The following TDRD9 variants were observed in gnomAD, a reference collection of about 807,000 sequenced individuals.
TDRD9 encodes the protein tudor domain containing 9.
A neutral mutation model predicts 172.6 loss-of-function variants in TDRD9; 124 were observed. The ratio of observed to expected loss-of-function variants is 0.72; its 90% confidence interval spans 0.62 to 0.83. The LOEUF (loss-of-function observed/expected upper bound fraction) is 0.83, where lower values mean the gene tolerates loss of function less well. Among genes scored for constraint, TDRD9 ranks in the 40% least tolerant of loss-of-function variants. The probability of loss-of-function intolerance (pLI) is 0.00; values close to 1 mark genes in which losing one functional copy is unlikely to be tolerated. For missense variants in TDRD9, 1,479 were observed against 1,714.1 expected (o/e 0.86, Z 2.42); for synonymous variants, 619 against 617.1 (o/e 1.00, Z -0.05).
At chr14:104,026,552 GT>G (rs1647110475) in intron 27 of TDRD9, 126 bp from the exon 28 acceptor site, 2 of 1,149,336 alleles carry the variant, frequency 1.7e-6, no homozygotes, top group Non-Finnish European at 2.5e-6. Context: ...CCCAACATTA[GT>G]TTTATTGGGA....
At chr14:103,935,573 A>G (rs1441736712) in intron 1 of TDRD9, among the ~76,000 whole-genome samples, 1 of 152,190 alleles carries the variant, frequency 6.6e-6, no homozygotes, top group Non-Finnish European at 1.5e-5. Flanking sequence ...GGAGTTGAGG[A>G]AGGAAGTCTG....
intron 6 of TDRD9, among the ~76,000 whole-genome samples, chr14:103,974,799 C>T (rs2033168994): frequency 6.6e-6 from 1 of 152,060 alleles, no homozygotes; most frequent in South Asian, 2.1e-4. Context: ...CACCATCATG[C>T]CCAGCTATTT....
rs2034141459 is a variant in TDRD9, at chr14:103,998,607, T to G, written c.1379-17T>G. On this transcript the variant is annotated splice_polypyrimidine_tract_variant and intron_variant, in intron 12 of 35. Transcript: ENST00000409874. Reference sequence around the variant, plus strand: ...CTTATTAGCATGGTGTTTACAGTCCTTTTTTTTAAATGGCAGTTATAGATT... The same window carrying G: ...CTTATTAGCATGGTGTTTACAGTCCGTTTTTTTAAATGGCAGTTATAGATT... The G allele has an allele frequency of 7.4e-7, 1 of 1,360,438 alleles. No individual in the cohort carries two copies. The highest frequency in any genetic ancestry group is 1.7e-5 in the Admixed American group (1 of 57,434). The allele number at this position is 1,360,438 out of a possible 1,614,324, so 84.3% of individuals were successfully genotyped here.
In TDRD9 at chr14:103,956,144, A is replaced by ATATATATATATG. The variant is rs1178934138; in HGVS notation, c.322+380_322+381insTATATGTATATA. On this transcript the variant is annotated intron_variant, in intron 2 of 35. Coordinates refer to ENST00000409874, the MANE Select transcript of TDRD9 (RefSeq NM_153046.3). ...TATATATATATATATATATATATAT[A>ATATATATATATG]TATATAATTATTAGGCCAGGCGCAG... Among the ~76,000 whole-genome samples the ATATATATATATG allele has an allele frequency of 1.4e-3, 117 of 80,860 alleles. 4 individuals carry two copies. The highest frequency in any genetic ancestry group is 2.2e-3 in the Non-Finnish European group (87 of 39,054). 53.0% of individuals were successfully genotyped at this position (80,860 alleles called of 152,430 possible).
intron 7 of TDRD9, among the ~76,000 whole-genome samples, chr14:103,977,492 CAAAAAAAAAA>C (rs57634354): frequency 3.8e-4 from 20 of 53,180 alleles, no homozygotes; most frequent in East Asian, 7.3e-4. Flanking sequence ...GACTCCATCT[CAAAAAAAAAA>C]AAAAAAAAAA....
intron 7 of TDRD9, among the ~76,000 whole-genome samples, chr14:103,982,351 G>T (rs2033505403): frequency 6.6e-6 from 1 of 152,102 alleles, no homozygotes; most frequent in Non-Finnish European, 1.5e-5. Context: ...TTTATTGCAG[G>T]GTGGTGTCCC....
At chr14:103,944,330 ACTGTTTTTTCTCTT>A (rs2031441718) in intron 1 of TDRD9, among the ~76,000 whole-genome samples, 1 of 152,084 alleles carries the variant, frequency 6.6e-6, no homozygotes, top group Non-Finnish European at 1.5e-5. Context: ...CTTTGGTTCA[ACTGTTTTTTCTCTT>A]CTGAAAAGCT....
chr14:103,955,760 C>A lies in TDRD9; in HGVS notation c.312C>A (p.Thr104=), dbSNP rs1421578775. 6.4e-7 allele frequency: 1 copy of A among 1,550,934 alleles called. No individual in the cohort carries two copies. The highest frequency in any genetic ancestry group is 2.4e-5 in the East Asian group (1 of 40,878). Reference sequence around the variant, plus strand: ...ATGTGTGTCGCAGTGTCCAACCAACCAGTGGGCCAGGTAAACAGGTCTCTT... The same window carrying A: ...ATGTGTGTCGCAGTGTCCAACCAACAAGTGGGCCAGGTAAACAGGTCTCTT... The part of the protein sequence containing the change: ...ELDVCRSVQP[T]SGPGPRPSLA... Residue 104 remains threonine (T), a synonymous_variant, in exon 2 of 36, where the codon ACC becomes ACA. Coordinates refer to ENST00000409874, the MANE Select transcript of TDRD9 (RefSeq NM_153046.3).
intron 1 of TDRD9, among the ~76,000 whole-genome samples, chr14:103,931,298 CAAAAA>C (rs35115834): frequency 1.5e-5 from 2 of 132,104 alleles, no homozygotes; most frequent in Non-Finnish European, 3.3e-5. Context: ...GACCCTGTCT[CAAAAA>C]AAAAAAAAAA....
At chr14:104,049,730 G>A in intron 35 of TDRD9, 50 bp downstream of exon 35, 1 of 1,486,440 alleles carries the variant, frequency 6.7e-7, no homozygotes, top group Non-Finnish European at 9.2e-7. Context: ...TGGAGGAGGG[G>A]ACAGGCCCTG....
chr14:104,037,118 C>T (rs1203234692), intron 32 of TDRD9, among the ~76,000 whole-genome samples: 1 of 151,656 alleles, frequency 6.6e-6, no homozygotes, highest in Admixed American at 6.6e-5. Context: ...GATGAGCATT[C>T]TCCTTTCCTT....
chr14:104,034,272 G>A (rs1381005769), intron 31 of TDRD9, among the ~76,000 whole-genome samples: 2 of 140,372 alleles, frequency 1.4e-5, no homozygotes, highest in Non-Finnish European at 3.0e-5. Flanking sequence ...CTCACTGCAA[G>A]CTCCACCTCC....
rs1245322686 is a variant in TDRD9, at chr14:104,004,087, T to G, written c.1484-151T>G. 1.1e-5 allele frequency: 5 copies of G among 449,110 alleles called. 1 individual carries two copies. The highest frequency in any genetic ancestry group is 3.5e-5 in the Admixed American group (1 of 28,558). The allele number at this position is 449,110 out of a possible 1,614,324, so 27.8% of individuals were successfully genotyped here. ...AAATAATAACTTATTAAGAATACAC[T>G]AATGTATTCTAAAGTTTTTACTGAC... is the stretch of plus-strand genomic sequence containing the variant. On this transcript the variant is annotated intron_variant, in intron 13 of 35. Transcript: ENST00000409874.
At position 104,005,287 on chromosome 14, in the gene TDRD9, G is replaced by A. The variant is rs781625098; in HGVS notation, c.1595G>A (p.Gly532Glu). Residue 532 changes from glycine to glutamate, a missense_variant, in exon 15 of 36, where the codon GGA becomes GAA. Physicochemically the swap from Gly to Glu is moderately conservative, Grantham distance 98 (BLOSUM62 -2). This residue lies in a region of TDRD9 where 1,413 missense variants were observed against 1,649.1 expected (regional missense o/e 0.86). Coordinates refer to ENST00000409874, the MANE Select transcript of TDRD9 (RefSeq NM_153046.3). ...VVPEMLRCPL[G>E]STILKVKLLD... The stretch of plus-strand genomic sequence containing the variant: ...GTTTCTTTTCAGCGTTGTCCATTAG[G>A]AAGCACGATCTTGAAAGTGAAATTA... The A allele has an allele frequency of 2.5e-6, 4 of 1,613,732 alleles. No individual in the cohort carries two copies. Among genetic ancestry groups the A allele is most frequent in the Non-Finnish European group, 3.4e-6 (4 of 1,179,858 alleles).
At chr14:104,025,543 T>C in intron 25 of TDRD9, 21 bp from the exon 26 acceptor site, 2 of 1,606,242 alleles carry the variant, frequency 1.2e-6, no homozygotes, top group Non-Finnish European at 1.7e-6. Context: ...TTTCATCTCT[T>C]CTCCTCCTCT....
chr14:104,009,644 CT>C (rs1002749492), intron 20 of TDRD9, among the ~76,000 whole-genome samples: 85 of 152,156 alleles, frequency 5.6e-4, no homozygotes, highest in African/African-American at 1.9e-3. Flanking sequence ...ACTTGATAAA[CT>C]TTTTAATTAA....
intron 1 of TDRD9, chr14:103,928,986 G>T (rs1010129434): frequency 5.3e-6 from 1 of 189,578 alleles, no homozygotes; most frequent in Non-Finnish European, 1.1e-5. Context: ...GAGGCACTCA[G>T]GTTTTCAGGA....
chr14:103,965,891 G>A (rs2032719800), intron 4 of TDRD9, among the ~76,000 whole-genome samples: 2 of 152,066 alleles, frequency 1.3e-5, no homozygotes, highest in Admixed American at 1.3e-4. Flanking sequence ...GTTGCAGTGA[G>A]CCAAGCTTGC....
chr14:103,946,125 C>G (rs1353445886), intron 1 of TDRD9, among the ~76,000 whole-genome samples: 2 of 152,028 alleles, frequency 1.3e-5, no homozygotes, highest in Non-Finnish European at 2.9e-5. Context: ...GCCACCATGC[C>G]TGACTAATTT....
Sources: gnomAD v4.1 joint callset for allele counts (sites outside exome capture counted in the v4.1 genomes callset) on GRCh38, gnomAD v4.1.1 for gene constraint, gnomAD v4.1.1 regional missense constraint, MANE v1.5 for transcripts, NCBI Gene and HGNC (gene_info 2026-07-23, HGNC 2026-07-21) for gene names.